RAB5IF: variants seen among roughly 807,000 people sequenced by gnomAD.
RAB5IF encodes RAB5 interacting factor.
A neutral mutation model predicts 20.3 loss-of-function variants in RAB5IF; 15 were observed. The observed-to-expected ratio is 0.74, with a 90% CI of 0.50 to 1.14. RAB5IF has a LOEUF of 1.14. Among genes scored for constraint, RAB5IF ranks in the 50% most tolerant of loss-of-function variants. RAB5IF has a pLI of 0.00. For synonymous variants in RAB5IF, 67 were observed against 63.7 expected (o/e 1.05, Z -0.25); for missense variants, 148 against 159.5 (o/e 0.93, Z 0.39).
chr20:36,608,161 T>C, intron 2 of RAB5IF: 1 of 353,844 alleles, frequency 2.8e-6, no homozygotes, highest in Non-Finnish European at 5.5e-6. Context: ...AGTAGGAACT[T>C]CTGTATTTGA....
rs1248716719 is a variant in RAB5IF, at chr20:36,609,182, C to G, written c.219-419C>G. 7.6e-5 allele frequency among the ~76,000 whole-genome samples: 3 copies of G among 39,722 alleles called. 1 individual carries two copies. The highest frequency in any genetic ancestry group is 1.4e-4 in the Non-Finnish European group (3 of 20,782). 26.1% of individuals were successfully genotyped at this position (39,722 alleles called of 152,430 possible). A position where few individuals can be genotyped will look rare whatever the true frequency, so the allele number is the denominator to read the frequency against. ...ACACACACACACACACACACACACA[C>G]ACACACACACACGCACACACGCACA... On this transcript the variant is annotated intron_variant, in intron 2 of 3. Transcript: ENST00000344795.
intron 2 of RAB5IF, among the ~76,000 whole-genome samples, chr20:36,608,595 T>C (rs2038989859): frequency 6.7e-6 from 1 of 148,494 alleles, no homozygotes; most frequent in African/African-American, 2.5e-5. Context: ...ACAGAGTCTT[T>C]CTCTGTCGCC....
rs1568595548 is a variant in RAB5IF, at chr20:36,609,203, GCACACACGCACA to G, written c.219-394_219-383del. Among the ~76,000 whole-genome samples the G allele has an allele frequency of 1.7e-4, 6 of 34,612 alleles. 1 individual carries two copies. The highest frequency in any genetic ancestry group is 3.2e-4 in the Non-Finnish European group (6 of 18,580). 22.7% of individuals were successfully genotyped at this position (34,612 alleles called of 152,430 possible). ...CACACACACACACACACGCACACAC[GCACACACGCACA>G]CACGCACACACACACACACACACAC... On this transcript the variant is annotated intron_variant, in intron 2 of 3. Transcript: ENST00000344795.
At chr20:36,610,787 C>CA (rs1326959542) in intron 3 of RAB5IF, among the ~76,000 whole-genome samples, 1 of 151,894 alleles carries the variant, frequency 6.6e-6, no homozygotes, top group Non-Finnish European at 1.5e-5. Context: ...AATCCAGACA[C>CA]AAAAGACCAT....
intron 3 of RAB5IF, among the ~76,000 whole-genome samples, chr20:36,611,514 A>C (rs1296798492): frequency 6.6e-6 from 1 of 151,434 alleles, no homozygotes; most frequent in East Asian, 1.9e-4. Context: ...AAAAAAAAAA[A>C]ACCACAAAAC....
At position 36,612,116 on chromosome 20, in the gene RAB5IF, C is replaced by CTTGATCGTTGGGT. The variant is rs763131205; in HGVS notation, c.*77_*78insTTTGATCGTTGGG. 1.4e-5 allele frequency: 22 copies of CTTGATCGTTGGGT among 1,614,212 alleles called. No individual in the cohort carries two copies. The South Asian group carries it at 2.2e-4, about 16-fold the overall frequency. ...GACCCTCTTGATTACAGCACAGGAA[C>CTTGATCGTTGGGT]TTGATCGTTGGGGAACCCCAGCCCC... On this transcript the variant is annotated 3_prime_UTR_variant, in exon 4 of 4. Coordinates refer to ENST00000344795, the MANE Select transcript of RAB5IF (RefSeq NM_018840.5).
At chr20:36,611,290 C>T (rs1568597047) in intron 3 of RAB5IF, among the ~76,000 whole-genome samples, 1 of 151,990 alleles carries the variant, frequency 6.6e-6, no homozygotes, top group Non-Finnish European at 1.5e-5. Flanking sequence ...TGCACCTGGC[C>T]CATTTTTTTT....
chr20:36,608,201 C>T lies in RAB5IF; in HGVS notation c.218+383C>T, dbSNP rs565695161. On this transcript the variant is annotated intron_variant, in intron 2 of 3. Transcript: ENST00000344795. ...CATTTCCCTTGTTCCTGGCACAGTG[C>T]TTAATGTCCTAAACCTTGGCTTTGG... 98 of 328,266 alleles carry T rather than the reference C, an allele frequency of 3.0e-4. 1 individual carries two copies. The highest frequency in any genetic ancestry group is 1.9e-3 in the African/African-American group (90 of 46,558). The allele number at this position is 328,266 out of a possible 1,614,324, so 20.3% of individuals were successfully genotyped here. A position where few individuals can be genotyped will look rare whatever the true frequency, so the allele number is the denominator to read the frequency against.
Position 36,605,835 on chromosome 20 carries a change from C to T in RAB5IF, c.-117C>T, listed in dbSNP as rs1199249238. The T allele has an allele frequency of 2.0e-6, 1 of 500,060 alleles. No homozygotes were observed. Among genetic ancestry groups the T allele is most frequent in the East Asian group, 3.7e-5 (1 of 27,194 alleles). The allele number at this position is 500,060 out of a possible 1,614,324, so 31.0% of individuals were successfully genotyped here. A position where few individuals can be genotyped will look rare whatever the true frequency, so the allele number is the denominator to read the frequency against. Reference sequence around the variant, plus strand: ...GGTTGTGAGGAACCGCAGCGCGCCGCAGGACCGGGCCGCTGAGCCTGCAGC... The same window carrying T: ...GGTTGTGAGGAACCGCAGCGCGCCGTAGGACCGGGCCGCTGAGCCTGCAGC... On this transcript the variant is annotated 5_prime_UTR_variant, in exon 1 of 4. Coordinates refer to ENST00000344795, the MANE Select transcript of RAB5IF (RefSeq NM_018840.5).
At chr20:36,611,655 A>G (rs1414420636) in intron 3 of RAB5IF, among the ~76,000 whole-genome samples, 1 of 152,088 alleles carries the variant, frequency 6.6e-6, no homozygotes, top group East Asian at 1.9e-4. Flanking sequence ...CTGCTTTGAT[A>G]TGCAGCTGAC....
chr20:36,606,129 C>T, intron 1 of RAB5IF, 64 bp downstream of exon 1: 3 of 1,030,968 alleles, frequency 2.9e-6, no homozygotes, highest in African/African-American at 1.7e-5. Context: ...GAACGGAAGA[C>T]TGGCGCGGGC....
chr20:36,609,615 A>G lies in RAB5IF; in HGVS notation c.233A>G (p.Asn78Ser), dbSNP rs552496414. The G allele has an allele frequency of 1.5e-5, 24 of 1,604,716 alleles. No homozygotes were observed. The highest frequency in any genetic ancestry group is 6.8e-5 in the Admixed American group (4 of 58,858). The part of the protein sequence containing the change: ...FLGIAGFCLI[N>S]AGVLYLYFSN... ...TGTTGCTCCAGATTCTGCCTGATCA[A>G]TGCAGGAGTCCTGTACCTCTACTTC... Residue 78 changes from asparagine to serine, a missense_variant, in exon 3 of 4, where the codon AAT becomes AGT. Transcript: ENST00000344795.
chr20:36,611,992 T>A lies in RAB5IF; in HGVS notation c.349-18T>A, dbSNP rs748459628. 1.4e-5 allele frequency: 22 copies of A among 1,613,998 alleles called. 1 individual carries two copies. The South Asian group carries it at 2.4e-4, about 18-fold the overall frequency. On this transcript the variant is annotated intron_variant, in intron 3 of 3. Coordinates refer to ENST00000344795, the MANE Select transcript of RAB5IF (RefSeq NM_018840.5). ...GTTAAGCCAGGTGACCTATGAACAG[T>A]GCTTGTCTCCTCACTAGGTCATTTG... is the stretch of plus-strand genomic sequence containing the variant.
intron 3 of RAB5IF, 143 bp downstream of exon 3, chr20:36,609,873 G>T (rs1347802407): frequency 4.2e-6 from 6 of 1,434,948 alleles, no homozygotes; most frequent in Non-Finnish European, 4.8e-6. Flanking sequence ...GCCATGGCCT[G>T]TGTTGAGCCA....
intron 2 of RAB5IF, among the ~76,000 whole-genome samples, chr20:36,609,205 A>ACACACACACAC (rs2039031042): frequency 1.6e-5 from 1 of 64,266 alleles, no homozygotes; most frequent in Non-Finnish European, 3.0e-5. Flanking sequence ...GCACACACGC[A>ACACACACACAC]CACACGCACA....
chr20:36,607,087 T>G (rs962651028), intron 1 of RAB5IF, among the ~76,000 whole-genome samples: 1 of 152,154 alleles, frequency 6.6e-6, no homozygotes, highest in East Asian at 1.9e-4. Context: ...CCATTAAACT[T>G]AAATATAGTG....
chr20:36,606,697 A>G (rs2038942634), intron 1 of RAB5IF, among the ~76,000 whole-genome samples: 1 of 152,150 alleles, frequency 6.6e-6, no homozygotes, highest in African/African-American at 2.4e-5. Context: ...GGGTGGAGAA[A>G]CGCCACCAGA....
Position 36,609,670 on chromosome 20 carries a change from A to C in RAB5IF, c.288A>C (p.Glu96Asp). ...FSNYLQIDEEEYGGTWELTKE... is the reference protein window; with the variant it reads ...FSNYLQIDEEDYGGTWELTKE... ...ATTACCTACAGATTGATGAGGAAGA[A>C]TATGGTGGCACGTGGGAGCTCACGA... Residue 96 changes from glutamate to aspartate, a missense_variant, in exon 3 of 4, where the codon GAA becomes GAC. By Grantham distance (45) the Glu-to-Asp change is conservative (BLOSUM62 2). Transcript: ENST00000344795. 1 of 1,614,140 alleles carries C rather than the reference A, an allele frequency of 6.2e-7. No homozygotes were observed. The highest frequency in any genetic ancestry group is 2.2e-5 in the East Asian group (1 of 44,884).
chr20:36,609,118 G>A (rs1169431320), intron 2 of RAB5IF, among the ~76,000 whole-genome samples: 3 of 149,302 alleles, frequency 2.0e-5, no homozygotes, highest in African/African-American at 7.4e-5. Flanking sequence ...TGGCTTATCA[G>A]CCATTCTGTT....
Sources: allele counts gnomAD v4.1 joint callset (sites outside exome capture counted in the v4.1 genomes callset), GRCh38; gene constraint gnomAD v4.1.1; transcripts MANE v1.5; gene names NCBI Gene and HGNC (gene_info 2026-07-23, HGNC 2026-07-21).